ADCY8: variants seen among roughly 807,000 people sequenced by gnomAD.
The protein encoded by ADCY8 is adenylate cyclase 8, also known as adenylate cyclase type 8.
In ADCY8, 51 loss-of-function variants were observed where a neutral mutation model predicts 119.7. The ratio of observed to expected loss-of-function variants is 0.43; its 90% CI spans 0.34 to 0.54. The LOEUF (loss-of-function observed/expected upper bound fraction) is 0.54. Among genes scored for constraint, ADCY8 ranks in the 20% least tolerant of loss-of-function variants. ADCY8 has a pLI of 0.03. For missense variants in ADCY8, 1,383 were observed against 1,598.8 expected (o/e 0.87, Z 2.30); for synonymous variants, 665 against 651.0 (o/e 1.02, Z -0.33).
At chr8:130,981,410 G>A (rs1822235552) in intron 2 of ADCY8, among the ~76,000 whole-genome samples, 1 of 152,136 alleles carries the variant, frequency 6.6e-6, no homozygotes, top group South Asian at 2.1e-4. Context: ...CTTGAAAAGT[G>A]CCTTCAACTG....
At chr8:130,847,568 A>C in intron 10 of ADCY8, 55 bp from the exon 11 acceptor site, 11 of 1,439,416 alleles carry the variant, frequency 7.6e-6, no homozygotes, top group South Asian at 1.2e-5. Context: ...AGGAACAACA[A>C]AGTCAGTGTG....
At chr8:130,951,793 C>A in intron 3 of ADCY8, 75 bp downstream of exon 3, 2 of 1,571,714 alleles carry the variant, frequency 1.3e-6, no homozygotes, top group Non-Finnish European at 1.7e-6. Context: ...AGACGGAAGT[C>A]ACGGAAGTGC....
chr8:130,853,585 T>G (rs1236063009), intron 9 of ADCY8, among the ~76,000 whole-genome samples: 1 of 14,878 alleles, frequency 6.7e-5, no homozygotes, highest in East Asian at 4.3e-3. Context: ...ATGTTTTTTT[T>G]TTTTTTTTTT....
chr8:130,892,461 T>G (rs536928221), intron 7 of ADCY8: 1 of 152,202 alleles, frequency 6.6e-6, no homozygotes, highest in African/African-American at 2.4e-5. Context: ...GCCCCGACTC[T>G]GGCTGATACC....
chr8:130,923,433 A>G (rs756283299), intron 5 of ADCY8, among the ~76,000 whole-genome samples: 1 of 152,234 alleles, frequency 6.6e-6, no homozygotes, highest in South Asian at 2.1e-4. Flanking sequence ...CCCTGCCACA[A>G]GGATTAAGAC....
At chr8:130,785,568 AC>A (rs1452706665) in intron 15 of ADCY8, 93 bp from the exon 16 acceptor site, 3 of 784,634 alleles carry the variant, frequency 3.8e-6, no homozygotes, top group Non-Finnish European at 6.1e-6. Context: ...ACAATGAGCT[AC>A]CTCTGATGGT....
intron 8 of ADCY8, among the ~76,000 whole-genome samples, chr8:130,881,512 AG>A (rs1227625190): frequency 6.6e-6 from 1 of 152,184 alleles, no homozygotes; most frequent in Non-Finnish European, 1.5e-5. Context: ...AAGATTGCAA[AG>A]GAACAATTAT....
chr8:130,913,073 A>G (rs1820027307), intron 5 of ADCY8, among the ~76,000 whole-genome samples: 3 of 152,164 alleles, frequency 2.0e-5, no homozygotes, highest in South Asian at 4.1e-4. Flanking sequence ...TTTTGTGAAT[A>G]CATAGTAGGT....
At chr8:130,822,034 C>T (rs912141931) in intron 12 of ADCY8, among the ~76,000 whole-genome samples, 1 of 152,156 alleles carries the variant, frequency 6.6e-6, no homozygotes, top group Non-Finnish European at 1.5e-5. Flanking sequence ...TATTGAGCAT[C>T]TACTGTGTGC....
At chr8:130,814,635 A>G (rs1181201586) in intron 13 of ADCY8, among the ~76,000 whole-genome samples, 4 of 152,212 alleles carry the variant, frequency 2.6e-5, no homozygotes, top group African/African-American at 7.2e-5. Context: ...AGGCCTCACA[A>G]TCATGGTGGA....
intron 5 of ADCY8, among the ~76,000 whole-genome samples, chr8:130,920,738 T>A (rs1820276422): frequency 6.6e-6 from 1 of 152,202 alleles, no homozygotes; most frequent in Non-Finnish European, 1.5e-5. Flanking sequence ...GAAGGTGTTT[T>A]TTTAGGTGAG....
In ADCY8 at chr8:130,838,538, A is replaced by C. The variant is rs2130268855; in HGVS notation, c.2503-2089T>G. Among the ~76,000 whole-genome samples the C allele has an allele frequency of 2.1e-5, 3 of 142,778 alleles. 1 individual carries two copies. The East Asian group carries it at 6.5e-4, about 31-fold the overall frequency. The allele number at this position is 142,778 out of a possible 152,430, so 93.7% of individuals were successfully genotyped here. A position where few individuals can be genotyped will look rare whatever the true frequency, so the allele number is the denominator to read the frequency against. ...AGGCCCTCCAGTTTGACAAAGGCCAAAGAAAGAGGACTAGATCTGAGGGGT... is the reference window on the plus strand; with the variant it reads ...AGGCCCTCCAGTTTGACAAAGGCCACAGAAAGAGGACTAGATCTGAGGGGT... On this transcript the variant is annotated intron_variant, in intron 11 of 17. Transcript: ENST00000286355.
chr8:130,829,888 T>G (rs1490574189), intron 12 of ADCY8, among the ~76,000 whole-genome samples: 7 of 152,234 alleles, frequency 4.6e-5, no homozygotes, highest in Non-Finnish European at 5.9e-5. Flanking sequence ...CTGGAATGGC[T>G]GACAGCAATC....
intron 1 of ADCY8, among the ~76,000 whole-genome samples, chr8:131,019,797 T>TTC (rs61010907): frequency 0.033 from 3,500 of 104,838 alleles, 80 homozygotes; most frequent in Middle Eastern, 0.088. Context: ...ATGGAACAAA[T>TTC]TCTCTCTCTC....
intron 12 of ADCY8, among the ~76,000 whole-genome samples, chr8:130,826,921 G>T (rs1385717676): frequency 1.3e-5 from 2 of 152,006 alleles, no homozygotes; most frequent in African/African-American, 4.8e-5. Context: ...GTCGTGGGGT[G>T]GGGGGTTGGG....
chr8:130,876,150 A>C (rs1818554863), intron 8 of ADCY8, among the ~76,000 whole-genome samples: 1 of 152,002 alleles, frequency 6.6e-6, no homozygotes, highest in South Asian at 2.1e-4. Flanking sequence ...TCCCAGGTTC[A>C]AGCGATTCTT....
chr8:130,812,400 T>A (rs1182162038), intron 14 of ADCY8, among the ~76,000 whole-genome samples: 1 of 152,206 alleles, frequency 6.6e-6, no homozygotes, highest in Non-Finnish European at 1.5e-5. Context: ...AACAGTCATG[T>A]CCAACATGGT....
In ADCY8 at chr8:130,849,819, G is replaced by T; in HGVS notation, c.2211-16C>A. ...TGGCATCACTCTGCAGGGAAACACA[G>T]AATGTTGGGTCATTGGCATCAATTG... On this transcript the variant is annotated splice_polypyrimidine_tract_variant and intron_variant, in intron 9 of 17. Coordinates refer to ENST00000286355, the MANE Select transcript of ADCY8 (RefSeq NM_001115.3). The T allele has an allele frequency of 6.2e-7, 1 of 1,606,132 alleles. No homozygotes were observed. The highest frequency in any genetic ancestry group is 8.5e-7 in the Non-Finnish European group (1 of 1,175,746).
At position 130,904,325 on chromosome 8, in the gene ADCY8, T is replaced by G. The variant is rs148805734; in HGVS notation, c.1641-283A>C. On this transcript the variant is annotated intron_variant, in intron 6 of 17. Transcript: ENST00000286355. ...TAAGCACATCTTTTGGCTTTTCTTA[T>G]GATTGTCAGCCTGATCCCAGCAAAC... 2.6e-4 allele frequency among the ~76,000 whole-genome samples: 40 copies of G among 152,142 alleles called. No homozygotes were observed. In the East Asian group the frequency reaches 7.8e-3, roughly 30 times the overall value.
Sources: allele counts gnomAD v4.1 joint callset (sites outside exome capture counted in the v4.1 genomes callset), GRCh38; gene constraint gnomAD v4.1.1; transcripts MANE v1.5; gene names NCBI Gene and HGNC (gene_info 2026-07-23, HGNC 2026-07-21).